The following SMG7 variants were observed in gnomAD, a reference collection of about 807,000 sequenced individuals.
SMG7 encodes the protein nonsense-mediated mRNA decay factor SMG7.
SMG7 carries 34 observed loss-of-function variants against 148.2 expected under a neutral mutation model. That is an observed-to-expected ratio of 0.23 (90% CI 0.17 to 0.31). The LOEUF is 0.31. SMG7 is among the 10% of genes least tolerant of loss of function. The pLI is 1.00. For synonymous variants in SMG7, 492 were observed against 515.1 expected, an observed-to-expected ratio of 0.96 and a Z score of 0.61; for missense variants, 1,114 against 1,408.4, an observed-to-expected ratio of 0.79 and a Z score of 3.35.
chr1:183,517,510 A>C (rs1487907890), intron 3 of SMG7, 178 bp from the exon 4 acceptor site: 1 of 652,388 alleles, frequency 1.5e-6, no homozygotes, highest in Non-Finnish European at 2.7e-6. Context: ...ATTCTACTGC[A>C]TGTCTAGTCT....
chr1:183,488,336 G>A (rs1399529088), intron 1 of SMG7, among the ~76,000 whole-genome samples: 1 of 151,660 alleles, frequency 6.6e-6, no homozygotes, highest in African/African-American at 2.4e-5. Flanking sequence ...CTATTTAAAT[G>A]CATTTAAATA....
At position 183,472,629 on chromosome 1, in the gene SMG7, G is replaced by A. The variant is rs1418604467; in HGVS notation, c.9G>A (p.Leu3=). ...GGCGGCGGCGGCGGAGGATGAGCCT[G>A]CAGAGCGCGCAGTACCTCCGGTGAG... is the stretch of plus-strand genomic sequence containing the variant. MS[L]QSAQYLRQAE... Residue 3 remains leucine (L), a synonymous_variant, in exon 1 of 23, where the codon CTG becomes CTA. Transcript: ENST00000688051. 6.8e-7 allele frequency: 1 copy of A among 1,466,716 alleles called. No homozygotes were observed. The highest frequency in any genetic ancestry group is 2.2e-5 in the Admixed American group (1 of 45,252). 90.9% of individuals were successfully genotyped at this position (1,466,716 alleles called of 1,614,324 possible). A position where few individuals can be genotyped will look rare whatever the true frequency, so the allele number is the denominator to read the frequency against.
chr1:183,506,902 G>A (rs1358103845), intron 1 of SMG7, among the ~76,000 whole-genome samples: 2 of 130,684 alleles, frequency 1.5e-5, no homozygotes, highest in Non-Finnish European at 3.2e-5. Flanking sequence ...TTTTGGAGAC[G>A]GAGTCTCACT....
intron 4 of SMG7, among the ~76,000 whole-genome samples, chr1:183,522,781 GTT>G (rs936392957): frequency 1.4e-5 from 2 of 141,950 alleles, no homozygotes; most frequent in Non-Finnish European, 3.1e-5. Context: ...TTAGTTTTTT[GTT>G]TTTTTTTTTT....
intron 10 of SMG7, among the ~76,000 whole-genome samples, chr1:183,534,672 C>A (rs1355933439): frequency 6.6e-6 from 1 of 151,946 alleles, no homozygotes; most frequent in Non-Finnish European, 1.5e-5. Flanking sequence ...ACCAGCCTGG[C>A]CAACATGGTG....
At position 183,544,508 on chromosome 1, in the gene SMG7, T is replaced by G; in HGVS notation, c.1987+11T>G. On this transcript the variant is annotated intron_variant, in intron 15 of 22. Coordinates refer to ENST00000688051, the MANE Select transcript of SMG7 (RefSeq NM_001375584.1). ...TTCCCAGCAGGCCAGGTAAATATGT[T>G]TTGTAATTTCTTCTACTTAATCTTT... The G allele has an allele frequency of 6.2e-7, 1 of 1,611,742 alleles. No individual in the cohort carries two copies. Among genetic ancestry groups the G allele is most frequent in the Non-Finnish European group, 8.5e-7 (1 of 1,178,690 alleles).
At chr1:183,482,655 A>G (rs1362602279) in intron 1 of SMG7, among the ~76,000 whole-genome samples, 5 of 152,200 alleles carry the variant, frequency 3.3e-5, no homozygotes, top group Admixed American at 3.3e-4. Context: ...AGCTTATGTC[A>G]TAATTATTCC....
Position 183,552,172 on chromosome 1 carries a change from T to C in SMG7, c.*241T>C. On this transcript the variant is annotated 3_prime_UTR_variant, in exon 23 of 23. Transcript: ENST00000688051. ...CCTCCGGAGGGAGAGAGAGAGGAAC[T>C]GCTGTTTATCTCACTCAGTTACTTG... 8.6e-7 allele frequency: 1 copy of C among 1,168,636 alleles called. No individual in the cohort carries two copies. Among genetic ancestry groups the C allele is most frequent in the Non-Finnish European group, 1.1e-6 (1 of 942,500 alleles). The allele number at this position is 1,168,636 out of a possible 1,614,324, so 72.4% of individuals were successfully genotyped here.
chr1:183,538,342 A>G, intron 11 of SMG7, 38 bp from the exon 12 acceptor site: 1 of 1,457,804 alleles, frequency 6.9e-7, no homozygotes, highest in Non-Finnish European at 9.6e-7. Flanking sequence ...ACAACATTTT[A>G]ATTAAAATGT....
chr1:183,490,309 G>A (rs1285154072), intron 1 of SMG7, among the ~76,000 whole-genome samples: 2 of 152,198 alleles, frequency 1.3e-5, no homozygotes, highest in Admixed American at 6.5e-5. Flanking sequence ...GCAAAAGCAG[G>A]ATGGACGGAA....
chr1:183,533,103 T>G (rs1344786782), intron 8 of SMG7, 61 bp from the exon 9 acceptor site: 4 of 1,428,220 alleles, frequency 2.8e-6, no homozygotes, highest in Non-Finnish European at 3.9e-6. Context: ...GTTTAATTTC[T>G]TGTGTCAAAG....
intron 1 of SMG7, among the ~76,000 whole-genome samples, chr1:183,495,782 C>T (rs573722016): frequency 5.9e-5 from 9 of 152,004 alleles, no homozygotes; most frequent in Admixed American, 2.6e-4. Context: ...ACAAGAGAAT[C>T]GCTTGAACCC....
intron 2 of SMG7, among the ~76,000 whole-genome samples, chr1:183,513,649 C>T (rs1203583979): frequency 3.3e-5 from 5 of 152,028 alleles, no homozygotes; most frequent in Admixed American, 6.6e-5. Flanking sequence ...GGATTATAGG[C>T]GTGAGCCACT....
At chr1:183,477,479 T>C (rs992855846) in intron 1 of SMG7, among the ~76,000 whole-genome samples, 1 of 151,544 alleles carries the variant, frequency 6.6e-6, no homozygotes, top group African/African-American at 2.4e-5. Context: ...TATATGCATA[T>C]ATACACGTGT....
At chr1:183,500,400 T>G (rs1659475889) in intron 1 of SMG7, among the ~76,000 whole-genome samples, 1 of 152,238 alleles carries the variant, frequency 6.6e-6, no homozygotes, top group African/African-American at 2.4e-5. Context: ...CCTTTCAGAT[T>G]GTTTTTGGTG....
At chr1:183,482,053 G>A (rs528046321) in intron 1 of SMG7, among the ~76,000 whole-genome samples, 1 of 152,276 alleles carries the variant, frequency 6.6e-6, no homozygotes, top group East Asian at 1.9e-4. Flanking sequence ...AACAAAATGA[G>A]TAAATGCCTC....
chr1:183,542,067 C>CT lies in SMG7; in HGVS notation c.1416-3dup. The CT allele has an allele frequency of 1.3e-6, 2 of 1,581,332 alleles. No individual in the cohort carries two copies. The highest frequency in any genetic ancestry group is 1.7e-6 in the Non-Finnish European group (2 of 1,166,030). ...TTTTTTATATATGGATTTATTTTTG[C>CT]TTTTTTAGGCTGATTCAGTGTGAAA... On this transcript the variant is annotated splice_polypyrimidine_tract_variant and intron_variant, in intron 13 of 22. Transcript: ENST00000688051.
rs1241227445 is a variant in SMG7 at position 183,526,579 on chromosome 1, G to A, written c.313-17G>A. On this transcript the variant is annotated splice_polypyrimidine_tract_variant and intron_variant, in intron 4 of 22. Transcript: ENST00000688051. ...CACTTGTGACTTACTACTAAATTTT[G>A]TTTGTTTTTCTTTTAGTTATTACAA... The A allele has an allele frequency of 6.4e-7, 1 of 1,574,244 alleles. No homozygotes were observed. The highest frequency in any genetic ancestry group is 8.7e-7 in the Non-Finnish European group (1 of 1,152,648).
rs1376480566 is a variant in SMG7 at position 183,529,468 on chromosome 1, G to A, written c.778G>A (p.Val260Met). Residue 260 changes from valine to methionine, a missense_variant, in exon 8 of 23, where the codon GTG becomes ATG. Transcript: ENST00000688051. ...GGCCTTTATTAAATTCCACGGTCAT[G>A]TGTACCTGAGTAAGAGCTTGGAAAA... is the stretch of plus-strand genomic sequence containing the variant. ...IKAFIKFHGH[V>M]YLSKSLEKLS... is the part of the protein sequence containing the mutation. 6.2e-7 allele frequency: 1 copy of A among 1,613,154 alleles called. No individual in the cohort carries two copies. The highest frequency in any genetic ancestry group is 1.7e-4 in the Middle Eastern group (1 of 6,052).
Sources: gnomAD v4.1 joint callset for allele counts (sites outside exome capture counted in the v4.1 genomes callset) on GRCh38, gnomAD v4.1.1 for gene constraint, MANE v1.5 for transcripts, NCBI Gene and HGNC (gene_info 2026-07-23, HGNC 2026-07-21) for gene names.